Variants in KRAS observed in about 807,000 individuals in gnomAD.
The protein encoded by KRAS is KRas proto-oncogene, GTPase.
Under a neutral mutation model 21.0 loss-of-function variants are expected in KRAS, and 1 was observed. The ratio of observed to expected loss-of-function variants is 0.05; its 90% CI spans 0.02 to 0.23. KRAS has a LOEUF of 0.23. KRAS is among the 10% of genes least tolerant of loss of function. KRAS has a pLI of 1.00. For missense variants in KRAS, 107 were observed against 221.8 expected, an observed-to-expected ratio of 0.48 and a Z score of 3.29; for synonymous variants, 67 against 72.5, an observed-to-expected ratio of 0.92 and a Z score of 0.39.
intron 4 of KRAS, among the ~76,000 whole-genome samples, chr12:25,221,511 A>G (rs1470398641): frequency 6.6e-6 from 1 of 152,160 alleles, no homozygotes; most frequent in African/African-American, 2.4e-5. Context: ...TTCTGGGATT[A>G]CAGGCATGAG....
intron 3 of KRAS, 86 bp from the exon 4 acceptor site, chr12:25,225,859 G>T: frequency 7.5e-7 from 1 of 1,338,968 alleles, no homozygotes; most frequent in Non-Finnish European, 1.1e-6. Context: ...CATAAAATTT[G>T]GCTGAAAGAA....
In KRAS at chr12:25,208,576, A is replaced by T. The variant is rs1592793068; in HGVS notation, c.*1219T>A. On this transcript the variant is annotated 3_prime_UTR_variant, in exon 5 of 5. Coordinates refer to ENST00000311936, the MANE Select transcript of KRAS (RefSeq NM_004985.5). ...ACTTTTGAGTTAATATTTAAAAGTA[A>T]TTTTTAAAAAAGAGTTTGTTTTCTT... The T allele has an allele frequency of 4.3e-6, 1 of 233,280 alleles. No individual in the cohort carries two copies. Among genetic ancestry groups the T allele is most frequent in the East Asian group, 6.1e-5 (1 of 16,472 alleles). 14.5% of individuals were successfully genotyped at this position (233,280 alleles called of 1,614,324 possible).
At chr12:25,246,773 C>T (rs924543492) in intron 1 of KRAS, among the ~76,000 whole-genome samples, 4 of 151,824 alleles carry the variant, frequency 2.6e-5, no homozygotes, top group African/African-American at 9.7e-5. Flanking sequence ...AAAAATTAGC[C>T]GGGCGTGGTG....
At chr12:25,228,161 ATTT>A (rs371290057) in intron 2 of KRAS, among the ~76,000 whole-genome samples, 1 of 116,516 alleles carries the variant, frequency 8.6e-6, no homozygotes, top group Non-Finnish European at 1.9e-5. Context: ...TTGATTTTGG[ATTT>A]TTTTTTCTTT....
At chr12:25,219,322 ATACAACTTTAAATAT>A (rs1951292135) in intron 4 of KRAS, among the ~76,000 whole-genome samples, 1 of 127,950 alleles carries the variant, frequency 7.8e-6, no homozygotes, top group South Asian at 3.2e-4. Context: ...GAACAAAAGT[ATACAACTTTAAATAT>A]GTAAATTTTT....
intron 4 of KRAS, among the ~76,000 whole-genome samples, chr12:25,222,791 A>G (rs1253104006): frequency 1.3e-5 from 2 of 152,232 alleles, no homozygotes; most frequent in African/African-American, 4.8e-5. Flanking sequence ...GTTATATTAA[A>G]GTATTAAGGT....
intron 2 of KRAS, among the ~76,000 whole-genome samples, chr12:25,241,656 T>C (rs1951611466): frequency 6.6e-6 from 1 of 152,214 alleles, no homozygotes; most frequent in South Asian, 2.1e-4. Flanking sequence ...TGGGGTCAGA[T>C]AACCCTGTTG....
Position 25,208,196 on chromosome 12 carries a change from A to C in KRAS, c.*1599T>G. ...AAAAAAAAACTAAGAGTTTGAGATG[A>C]CTTCTTTTAACATGAAGAAATGGAT... On this transcript the variant is annotated 3_prime_UTR_variant, in exon 5 of 5. Coordinates refer to ENST00000311936, the MANE Select transcript of KRAS (RefSeq NM_004985.5). The C allele has an allele frequency of 4.3e-6, 1 of 233,124 alleles. No individual in the cohort carries two copies. Among genetic ancestry groups the C allele is most frequent in the African/African-American group, 2.2e-5 (1 of 45,388 alleles). The allele number at this position is 233,124 out of a possible 1,614,324, so 14.4% of individuals were successfully genotyped here. A position where few individuals can be genotyped will look rare whatever the true frequency, so the allele number is the denominator to read the frequency against.
intron 2 of KRAS, among the ~76,000 whole-genome samples, chr12:25,238,917 A>T (rs145786084): frequency 2.0e-4 from 30 of 152,348 alleles, no homozygotes; most frequent in Non-Finnish European, 4.0e-4. Flanking sequence ...GATAAATTTC[A>T]AGAAGTTGAA....
chr12:25,216,463 CAG>C, intron 4 of KRAS, among the ~76,000 whole-genome samples: 3 of 152,154 alleles, frequency 2.0e-5, no homozygotes, highest in Admixed American at 2.0e-4. Flanking sequence ...TTCGTAGAGA[CAG>C]GGTTTTGCCA....
intron 2 of KRAS, among the ~76,000 whole-genome samples, chr12:25,230,159 T>C (rs1951447025): frequency 6.6e-6 from 1 of 152,212 alleles, no homozygotes; most frequent in Non-Finnish European, 1.5e-5. Context: ...CAAATGTTGT[T>C]AGTAAAGTAT....
At chr12:25,226,245 G>A (rs1951390671) in intron 3 of KRAS, among the ~76,000 whole-genome samples, 1 of 152,162 alleles carries the variant, frequency 6.6e-6, no homozygotes, top group Non-Finnish European at 1.5e-5. Context: ...CAACACTGAA[G>A]TTACTACACC....
rs1326354935 is a variant in KRAS, at chr12:25,206,142, T to C, written c.*3653A>G. The C allele has an allele frequency of 4.2e-5, 9 of 216,702 alleles. No homozygotes were observed. The highest frequency in any genetic ancestry group is 1.2e-4 in the Admixed American group (2 of 17,204). The allele number at this position is 216,702 out of a possible 1,614,324, so 13.4% of individuals were successfully genotyped here. A position where few individuals can be genotyped will look rare whatever the true frequency, so the allele number is the denominator to read the frequency against. ...AAAAATCAATGGAATACAAATGAGA[T>C]GAACTTGTGCAAACTGTAACTTAAC... On this transcript the variant is annotated 3_prime_UTR_variant, in exon 5 of 5. Coordinates refer to ENST00000311936, the MANE Select transcript of KRAS (RefSeq NM_004985.5).
At chr12:25,245,040 T>G (rs569990266) in intron 2 of KRAS, among the ~76,000 whole-genome samples, 1 of 152,278 alleles carries the variant, frequency 6.6e-6, no homozygotes, top group East Asian at 1.9e-4. Context: ...TGAAATACAC[T>G]TCCAATCAAA....
intron 4 of KRAS, chr12:25,225,291 TATATATATATATATATATATA>T (rs1565883964): frequency 0.014 from 1,916 of 137,038 alleles, 146 homozygotes; most frequent in African/African-American, 0.033. Context: ...GTTCTTTATA[TATATATATATATATATATATA>T]TATATATATA....
chr12:25,243,672 T>C (rs1056312364), intron 2 of KRAS, among the ~76,000 whole-genome samples: 1 of 152,122 alleles, frequency 6.6e-6, no homozygotes, highest in African/African-American at 2.4e-5. Flanking sequence ...TCCAGTAAAA[T>C]CACCTTCCAA....
At position 25,206,129 on chromosome 12, in the gene KRAS, A is replaced by C. The variant is rs1286527672; in HGVS notation, c.*3666T>G. On this transcript the variant is annotated 3_prime_UTR_variant, in exon 5 of 5. Transcript: ENST00000311936. ...TTTAGAAGAAAAAAAAAATCAATGG[A>C]ATACAAATGAGATGAACTTGTGCAA... is the stretch of plus-strand genomic sequence containing the variant. 4.6e-6 allele frequency: 1 copy of C among 216,328 alleles called. No individual in the cohort carries two copies. The highest frequency in any genetic ancestry group is 9.3e-6 in the Non-Finnish European group (1 of 107,484). 13.4% of individuals were successfully genotyped at this position (216,328 alleles called of 1,614,324 possible).
At position 25,249,752 on chromosome 12, in the gene KRAS, T is replaced by C. The variant is rs544927882; in HGVS notation, c.-12+999A>G. ...GTAGAACACATCTGCAAAATGAGGG[T>C]AGTATAAAAGAGACGAGGGGATGAG... On this transcript the variant is annotated intron_variant, in intron 1 of 4. Coordinates refer to ENST00000311936, the MANE Select transcript of KRAS (RefSeq NM_004985.5). 3.9e-5 allele frequency among the ~76,000 whole-genome samples: 6 copies of C among 152,032 alleles called. No individual in the cohort carries two copies. The East Asian group carries it at 5.8e-4, about 15-fold the overall frequency.
intron 4 of KRAS, among the ~76,000 whole-genome samples, chr12:25,222,988 A>G (rs1217648056): frequency 6.6e-6 from 1 of 152,156 alleles, no homozygotes; most frequent in Non-Finnish European, 1.5e-5. Context: ...GAAAAATACC[A>G]CCTAGGAGTT....
Sources: allele counts gnomAD v4.1 joint callset (sites outside exome capture counted in the v4.1 genomes callset), GRCh38; gene constraint gnomAD v4.1.1; transcripts MANE v1.5; gene names NCBI Gene and HGNC (gene_info 2026-07-23, HGNC 2026-07-21).